The following WDR90 variants were observed in gnomAD, a reference collection of about 807,000 sequenced individuals.
WDR90 encodes the protein WD repeat domain 90, also known as WD repeat-containing protein 90.
Under a neutral mutation model 195.2 loss-of-function variants are expected in WDR90, and 238 were observed. The observed-to-expected ratio is 1.22, with a 90% CI of 1.10 to 1.36. The LOEUF (loss-of-function observed/expected upper bound fraction) is 1.36, where lower values mean the gene tolerates loss of function less well. WDR90 is among the 40% of genes most tolerant of loss of function. WDR90 has a pLI of 0.00. For synonymous variants in WDR90, 1,265 were observed against 1,052.4 expected (o/e 1.20, Z -3.91); for missense variants, 2,734 against 2,439.5 (o/e 1.12, Z -2.54).
chr16:657,251 C>A, intron 20 of WDR90, 30 bp downstream of exon 20: 1 of 1,516,036 alleles, frequency 6.6e-7, no homozygotes, highest in Non-Finnish European at 8.9e-7. Flanking sequence ...CTCTGGGGGA[C>A]TCCTCAGGGC....
chr16:659,045 C>T (rs529649162), intron 24 of WDR90, 34 bp downstream of exon 24: 1 of 1,612,844 alleles, frequency 6.2e-7, no homozygotes, highest in Non-Finnish European at 8.5e-7. Context: ...TCTGCCTAGG[C>T]CCCCCAGGCC....
At chr16:651,578 C>T (rs35244470) in intron 7 of WDR90, 66 bp from the exon 8 acceptor site, 236,716 of 1,502,024 alleles carry the variant, frequency 0.16, 24,224 homozygotes, top group African/African-American at 0.5. Flanking sequence ...CCTCCCCAGG[C>T]GTCACCCTCA....
intron 19 of WDR90, 62 bp from the exon 20 acceptor site, chr16:657,029 A>C: frequency 1.9e-6 from 3 of 1,578,870 alleles, no homozygotes; most frequent in Non-Finnish European, 8.6e-7. Context: ...CTGGAGGTCG[A>C]GGGAACCCAT....
At chr16:657,352 G>A (rs1311044288) in intron 20 of WDR90, 131 bp downstream of exon 20, 35 of 1,348,078 alleles carry the variant, frequency 2.6e-5, no homozygotes, top group African/African-American at 8.8e-5. Context: ...GGGCGTGGCC[G>A]CCTCAGTAAC....
chr16:650,759 G>C (rs993176455), intron 5 of WDR90, 50 bp downstream of exon 5: 30 of 1,584,770 alleles, frequency 1.9e-5, no homozygotes, highest in Non-Finnish European at 2.4e-5. Flanking sequence ...CATGCTCTCA[G>C]CCCTGGAGAG....
chr16:655,576 C>T lies in WDR90; in HGVS notation c.1722C>T (p.Phe574=), dbSNP rs887349028. 17 of 1,590,094 alleles carry T rather than the reference C, an allele frequency of 1.1e-5. No individual in the cohort carries two copies. The highest frequency in any genetic ancestry group is 1.4e-5 in the Non-Finnish European group (16 of 1,165,904). Residue 574 remains phenylalanine, a synonymous_variant, in exon 16 of 41, where the codon TTC becomes TTT. Coordinates refer to ENST00000293879, the MANE Select transcript of WDR90 (RefSeq NM_145294.5). ...TCCCTGCCGCCTCCTCGGGCAGCTT[C>T]GTGTGCAGCCGCAGTGGCCACATCT... ...GCPEPSAAML[F]VCSRSGHILE... is the part of the protein sequence containing the mutation.
Position 656,258 on chromosome 16 carries a change from C to A in WDR90, c.1967-44C>A, listed in dbSNP as rs373898007. On this transcript the variant is annotated intron_variant, in intron 17 of 40. Coordinates refer to ENST00000293879, the MANE Select transcript of WDR90 (RefSeq NM_145294.5). ...ACCCGAAGCCTGAGCATGCGGCTCA[C>A]CCCGGGGTGGCCCTGGAGGCCCCTG... 9.5e-5 allele frequency: 148 copies of A among 1,563,496 alleles called. 2 individuals carry two copies. In the East Asian group the frequency reaches 1.5e-3, roughly 16 times the overall value.
In WDR90 at chr16:655,801, C is replaced by T. The variant is rs546526119; in HGVS notation, c.1878C>T (p.Ser626=). The change falls in exon 17 of 41, where the codon AGC becomes AGT. Residue 626 remains serine (S), a synonymous_variant. Transcript: ENST00000293879. ...CCGGCATTGCCATCAGCAGCCTCAG[C>T]GTCTCCCCGGCCATGTGTGCTGTGG... ...SGPGIAISSL[S]VSPAMCAVGS... 45 of 1,590,288 alleles carry T rather than the reference C, an allele frequency of 2.8e-5. No individual in the cohort carries two copies. The highest frequency in any genetic ancestry group is 2.4e-4 in the South Asian group (21 of 88,044).
rs2037741699 is a variant in WDR90, at chr16:655,888, A to G, written c.1965A>G (p.Ala655=). The part of the protein sequence containing the change: ...PLDFSSVLLE[A]EHEGPVSSVC... ...ACTTCTCCTCGGTGCTCCTGGAGGCAGGTGATGCTGTGGGCACGCTCTCCC... is the reference window on the plus strand; with the variant it reads ...ACTTCTCCTCGGTGCTCCTGGAGGCGGGTGATGCTGTGGGCACGCTCTCCC... The change falls in exon 17 of 41, where the codon GCA becomes GCG. Residue 655 remains alanine (A), a splice_region_variant and synonymous_variant. Transcript: ENST00000293879. 3 of 1,591,878 alleles carry G rather than the reference A, an allele frequency of 1.9e-6. No homozygotes were observed. Among genetic ancestry groups the G allele is most frequent in the Non-Finnish European group, 1.7e-6 (2 of 1,173,004 alleles).
Position 650,657 on chromosome 16 carries a change from C to T in WDR90, c.507C>T (p.Cys169=), listed in dbSNP as rs750660364. The change falls in exon 5 of 41, where the codon TGC becomes TGT. Residue 169 remains cysteine (C), a synonymous_variant. Transcript: ENST00000293879. The part of the protein sequence containing the change: ...CYGHLKSIRL[C]ASLLVRNLYT... ...GCCATCTCAAGAGCATCAGGCTGTG[C>T]GCCAGCCTGCTGGTCAGGAACCTGT... The T allele has an allele frequency of 1.5e-5, 24 of 1,612,508 alleles. No individual in the cohort carries two copies. The highest frequency in any genetic ancestry group is 5.0e-5 in the Admixed American group (3 of 60,000).
At chr16:663,877 C>G (rs1175704539) in intron 34 of WDR90, among the ~76,000 whole-genome samples, 3 of 152,200 alleles carry the variant, frequency 2.0e-5, no homozygotes, top group Non-Finnish European at 4.4e-5. Context: ...TGGCGTTGGT[C>G]TAGCAGCTGT....
At chr16:666,631 C>T (rs117904014) in intron 38 of WDR90, 33 bp downstream of exon 38, 45,020 of 1,611,298 alleles carry the variant, frequency 0.028, 760 homozygotes, top group Non-Finnish European at 0.034. Flanking sequence ...TGGGTGGGGC[C>T]GGTACCCATC....
Position 651,123 on chromosome 16 carries a change from T to G in WDR90, c.668+20T>G, listed in dbSNP as rs767990788. 1 of 1,524,356 alleles carries G rather than the reference T, an allele frequency of 6.6e-7. No individual in the cohort carries two copies. The highest frequency in any genetic ancestry group is 1.1e-5 in the South Asian group (1 of 89,468). The allele number at this position is 1,524,356 out of a possible 1,614,324, so 94.4% of individuals were successfully genotyped here. A position where few individuals can be genotyped will look rare whatever the true frequency, so the allele number is the denominator to read the frequency against. On this transcript the variant is annotated intron_variant, in intron 6 of 40. Transcript: ENST00000293879. ...CGTCCGGTGAGTGGTTCTGCTTCTT[T>G]CGAGGGAGGCCTCGGTGGTGGGAGG...
In WDR90 at chr16:656,907, C is replaced by G. The variant is rs748619554; in HGVS notation, c.2342+36C>G. 5.0e-6 allele frequency: 8 copies of G among 1,601,184 alleles called. No homozygotes were observed. The East Asian group carries it at 1.6e-4, about 32-fold the overall frequency. On this transcript the variant is annotated intron_variant, in intron 19 of 40. Coordinates refer to ENST00000293879, the MANE Select transcript of WDR90 (RefSeq NM_145294.5). ...AGCTGGCCACCAGCCCCACGGAGAC[C>G]CCACGGTGGAAGCTGGGGTGGCCAG...
intron 7 of WDR90, among the ~76,000 whole-genome samples, 168 bp downstream of exon 7, chr16:651,434 G>A (rs2037645004): frequency 6.6e-6 from 1 of 152,152 alleles, no homozygotes; most frequent in African/African-American, 2.4e-5. Context: ...ACGAGGGTGG[G>A]AAGTCTGTGT....
At position 662,315 on chromosome 16, in the gene WDR90, A is replaced by G; in HGVS notation, c.4129A>G (p.Lys1377Glu). 6.4e-7 allele frequency: 1 copy of G among 1,568,554 alleles called. No individual in the cohort carries two copies. The highest frequency in any genetic ancestry group is 1.2e-5 in the South Asian group (1 of 85,922). The change falls in exon 33 of 41, where the codon AAG becomes GAG. Residue 1377 changes from lysine to glutamate, a missense_variant. Physicochemically the swap from Lys to Glu is moderately conservative, Grantham distance 56 (BLOSUM62 1). Transcript: ENST00000293879. The stretch of plus-strand genomic sequence containing the variant: ...GGGGGCTGTGTCGGAGCTGAGGTGC[A>G]AGGGCTCAGGCGCCAGGTGAGCTGT... ...AVGAVSELRC[K>E]GSGASSVFME...
At position 653,669 on chromosome 16, in the gene WDR90, A is replaced by G. The variant is rs1052248316; in HGVS notation, c.1378A>G (p.Ser460Gly). ...CCCAATGCACGTTGTCTGCTCTCTC[A>G]GGTGAGCACAGGTCTGCCCCATGCA... ...RSPMHVVCSL[S>G]FSDSGALLCG... is the part of the protein sequence containing the mutation. Residue 460 changes from serine (S) to glycine (G), a missense_variant and splice_region_variant, in exon 12 of 41, where the codon AGC becomes GGC. Ser to Gly is a moderately conservative substitution (Grantham distance 56). Coordinates refer to ENST00000293879, the MANE Select transcript of WDR90 (RefSeq NM_145294.5). 4 of 1,613,226 alleles carry G rather than the reference A, an allele frequency of 2.5e-6. No individual in the cohort carries two copies. The highest frequency in any genetic ancestry group is 1.1e-5 in the South Asian group (1 of 91,076).
At chr16:666,374 G>T (rs1293687194) in intron 37 of WDR90, 24 bp downstream of exon 37, 4 of 1,612,058 alleles carry the variant, frequency 2.5e-6, no homozygotes, top group Admixed American at 3.3e-5. Flanking sequence ...AAGAGCTGGG[G>T]AGAGGGGGCC....
intron 34 of WDR90, 150 bp from the exon 35 acceptor site, chr16:665,529 T>G (rs1299121296): frequency 1.6e-6 from 2 of 1,285,172 alleles, no homozygotes; most frequent in South Asian, 1.2e-5. Context: ...GGGCCGGCAT[T>G]GCTCCTTTCC....
Sources: allele counts gnomAD v4.1 joint callset (sites outside exome capture counted in the v4.1 genomes callset), GRCh38; gene constraint gnomAD v4.1.1; transcripts MANE v1.5; gene names NCBI Gene and HGNC (gene_info 2026-07-23, HGNC 2026-07-21).